PPP2R1A: variants seen among roughly 807,000 people sequenced by gnomAD.
The protein encoded by PPP2R1A is protein phosphatase 2 scaffold subunit Aalpha, also known as serine/threonine-protein phosphatase 2A 65 kDa regulatory subunit A alpha isoform.
In PPP2R1A, 15 loss-of-function variants were observed where a neutral mutation model predicts 67.1. The observed-to-expected ratio is 0.22, with a 90% CI of 0.15 to 0.34. The LOEUF (loss-of-function observed/expected upper bound fraction) is 0.34. Among genes scored for constraint, PPP2R1A ranks in the 10% least tolerant of loss-of-function variants. PPP2R1A has a pLI of 1.00. For synonymous variants in PPP2R1A, 337 were observed against 325.0 expected (o/e 1.04, Z -0.40); for missense variants, 369 against 775.0 (o/e 0.48, Z 6.22).
Position 52,212,861 on chromosome 19 carries a change from C to T in PPP2R1A, c.651+28C>T. ...GAGTTTTGCTTCCTGGCCCTCTGCT[C>T]TCCCGTCCTTCTGGTGGTTCCTGCC... On this transcript the variant is annotated intron_variant, in intron 5 of 14. Coordinates refer to ENST00000322088, the MANE Select transcript of PPP2R1A (RefSeq NM_014225.6). This position sits in a 1 kb window ranked among gnomAD's most constrained non-coding sequence, Gnocchi z 4.1. 6.3e-7 allele frequency: 1 copy of T among 1,579,544 alleles called. No individual in the cohort carries two copies. The highest frequency in any genetic ancestry group is 8.6e-7 in the Non-Finnish European group (1 of 1,161,110).
At position 52,213,512 on chromosome 19, in the gene PPP2R1A, A is replaced by G. The variant is rs2089697944; in HGVS notation, c.807+402A>G. 8.4e-6 allele frequency among the ~76,000 whole-genome samples: 1 copy of G among 119,320 alleles called. No individual in the cohort carries two copies. Among genetic ancestry groups the G allele is most frequent in the Non-Finnish European group, 1.6e-5 (1 of 62,332 alleles). 78.3% of individuals were successfully genotyped at this position (119,320 alleles called of 152,430 possible). On this transcript the variant is annotated intron_variant, in intron 6 of 14. Coordinates refer to ENST00000322088, the MANE Select transcript of PPP2R1A (RefSeq NM_014225.6). This position sits in a 1 kb window ranked among gnomAD's most constrained non-coding sequence, Gnocchi z 4.2. Reference sequence around the variant, plus strand: ...TAAGATGGAGTCTGTCGCCCAGGCTAGAGTCTTGTTACCCAGCTGGAGTGT... The same window carrying G: ...TAAGATGGAGTCTGTCGCCCAGGCTGGAGTCTTGTTACCCAGCTGGAGTGT...
chr19:52,191,262 C>T (rs1027994378), intron 1 of PPP2R1A: 4 of 152,386 alleles, frequency 2.6e-5, no homozygotes, highest in African/African-American at 4.8e-5. Context: ...CTCCCACCTG[C>T]TGTGTGACCT....
rs398035011 is a variant in PPP2R1A at position 52,213,457 on chromosome 19, G to GTTTTTT, written c.807+372_807+377dup. Among the ~76,000 whole-genome samples the GTTTTTT allele has an allele frequency of 3.6e-4, 26 of 71,760 alleles. 2 individuals carry two copies. The East Asian group carries it at 8.0e-3, about 22-fold the overall frequency. The allele number at this position is 71,760 out of a possible 152,430, so 47.1% of individuals were successfully genotyped here. ...GCCCAAAAAGGTGGGGTTTTTTGGT[G>GTTTTTT]TTTTTTTTTTTTTTTTTTTTTTTTT... On this transcript the variant is annotated intron_variant, in intron 6 of 14. Transcript: ENST00000322088. The surrounding 1 kb of genome is among the most constrained non-coding windows in gnomAD (Gnocchi z 4.2).
At position 52,213,549 on chromosome 19, in the gene PPP2R1A, C is replaced by T. The variant is rs977623257; in HGVS notation, c.807+439C>T. Among the ~76,000 whole-genome samples, 1 of 133,562 alleles carries T rather than the reference C, an allele frequency of 7.5e-6. No individual in the cohort carries two copies. Among genetic ancestry groups the T allele is most frequent in the Non-Finnish European group, 1.5e-5 (1 of 64,702 alleles). 87.6% of individuals were successfully genotyped at this position (133,562 alleles called of 152,430 possible). A position where few individuals can be genotyped will look rare whatever the true frequency, so the allele number is the denominator to read the frequency against. Reference sequence around the variant, plus strand: ...CCCAGCTGGAGTGTGGTGGCGCAATCTTGGCTCACTGCAGCCTGTCCCTCC... The same window carrying T: ...CCCAGCTGGAGTGTGGTGGCGCAATTTTGGCTCACTGCAGCCTGTCCCTCC... On this transcript the variant is annotated intron_variant, in intron 6 of 14. Coordinates refer to ENST00000322088, the MANE Select transcript of PPP2R1A (RefSeq NM_014225.6). This position sits in a 1 kb window ranked among gnomAD's most constrained non-coding sequence, Gnocchi z 4.2.
intron 6 of PPP2R1A, among the ~76,000 whole-genome samples, chr19:52,215,292 A>G (rs934955541): frequency 6.6e-6 from 1 of 152,080 alleles, no homozygotes; most frequent in African/African-American, 2.4e-5. Context: ...TCTGGGACTC[A>G]AGCGATCTGT....
At chr19:52,208,748 C>G (rs2089634561) in intron 3 of PPP2R1A, among the ~76,000 whole-genome samples, 1 of 152,200 alleles carries the variant, frequency 6.6e-6, no homozygotes, top group Admixed American at 6.5e-5. Context: ...GATCACCTGC[C>G]TTGGCCTCCC....
intron 1 of PPP2R1A, among the ~76,000 whole-genome samples, chr19:52,194,354 C>G (rs960524932): frequency 1.3e-5 from 2 of 152,028 alleles, no homozygotes; most frequent in African/African-American, 4.8e-5. Context: ...GAGAGAATGG[C>G]AAAGTGGTGG....
intron 1 of PPP2R1A, among the ~76,000 whole-genome samples, chr19:52,197,198 A>G (rs1202610382): frequency 6.6e-6 from 1 of 152,228 alleles, no homozygotes. Context: ...TCACTATAGT[A>G]TATCATAGGT....
At chr19:52,220,345 G>C in intron 11 of PPP2R1A, 96 bp downstream of exon 11, 1 of 1,334,824 alleles carries the variant, frequency 7.5e-7, no homozygotes, top group Non-Finnish European at 1.1e-6. Flanking sequence ...GGAGGCTAGA[G>C]TCACTCCCCA....
chr19:52,220,039 AAG>A (rs1284567575), intron 10 of PPP2R1A, 148 bp from the exon 11 acceptor site: 1 of 1,188,968 alleles, frequency 8.4e-7, no homozygotes, highest in South Asian at 1.4e-5. Context: ...TGGATTCAAT[AAG>A]AGAGAGGAGG....
chr19:52,190,648 G>T (rs921974212), intron 1 of PPP2R1A, among the ~76,000 whole-genome samples: 1 of 152,184 alleles, frequency 6.6e-6, no homozygotes, highest in African/African-American at 2.4e-5. Context: ...AGAGGCGAAG[G>T]CCTGCCATCC....
intron 14 of PPP2R1A, 56 bp downstream of exon 14, chr19:52,225,864 C>T (rs547629767): frequency 1.9e-6 from 3 of 1,612,294 alleles, no homozygotes; most frequent in Non-Finnish European, 1.7e-6. Context: ...AGGACAGGCA[C>T]TGGGCCTGTG....
chr19:52,227,930 T>C lies in PPP2R1A; in HGVS notation c.*1949T>C, dbSNP rs976105259. ...TGCATTCTCAGGAGCTTGTTAGAAA[T>C]GCAGAGCCTCTCGTCCCTGCCCCGA... On this transcript the variant is annotated 3_prime_UTR_variant, in exon 15 of 15. Coordinates refer to ENST00000322088, the MANE Select transcript of PPP2R1A (RefSeq NM_014225.6). The C allele has an allele frequency of 3.9e-5, 6 of 152,156 alleles. No individual in the cohort carries two copies. The highest frequency in any genetic ancestry group is 1.2e-4 in the African/African-American group (5 of 41,430). The allele number at this position is 152,156 out of a possible 1,614,324, so 9.4% of individuals were successfully genotyped here.
chr19:52,191,870 A>T (rs2089457509), intron 1 of PPP2R1A, among the ~76,000 whole-genome samples: 1 of 152,116 alleles, frequency 6.6e-6, no homozygotes, highest in Non-Finnish European at 1.5e-5. Flanking sequence ...AACAAATAGG[A>T]TGTAGTGGTA....
At chr19:52,220,911 C>T in intron 11 of PPP2R1A, 68 bp from the exon 12 acceptor site, 1 of 1,557,516 alleles carries the variant, frequency 6.4e-7, no homozygotes, top group Non-Finnish European at 8.8e-7. Context: ...GTGAGTGTGA[C>T]CTACATTTTG....
intron 13 of PPP2R1A, among the ~76,000 whole-genome samples, chr19:52,224,660 T>C (rs558628800): frequency 1.3e-5 from 2 of 152,342 alleles, no homozygotes; most frequent in African/African-American, 4.8e-5. Flanking sequence ...ATCATACTTC[T>C]GACCTTTAAG....
rs398035011 is a variant in PPP2R1A, at chr19:52,213,457, G to GT, written c.807+377dup. Among the ~76,000 whole-genome samples, 9,144 of 71,744 alleles carry GT rather than the reference G, an allele frequency of 0.13. 1,569 individuals are homozygous for GT. The highest frequency in any genetic ancestry group is 0.16 in the Non-Finnish European group (5,867 of 37,738). The allele number at this position is 71,744 out of a possible 152,430, so 47.1% of individuals were successfully genotyped here. A position where few individuals can be genotyped will look rare whatever the true frequency, so the allele number is the denominator to read the frequency against. ...GCCCAAAAAGGTGGGGTTTTTTGGT[G>GT]TTTTTTTTTTTTTTTTTTTTTTTTT... On this transcript the variant is annotated intron_variant, in intron 6 of 14. Transcript: ENST00000322088. The surrounding 1 kb of genome is among the most constrained non-coding windows in gnomAD (Gnocchi z 4.2).
chr19:52,223,480 T>C (rs1568599855), intron 13 of PPP2R1A, among the ~76,000 whole-genome samples: 1 of 152,188 alleles, frequency 6.6e-6, no homozygotes, highest in Non-Finnish European at 1.5e-5. Context: ...TGTTTTAATA[T>C]ATGTTTCTGA....
chr19:52,197,897 G>A (rs2089510735), intron 1 of PPP2R1A, among the ~76,000 whole-genome samples: 1 of 152,094 alleles, frequency 6.6e-6, no homozygotes, highest in Non-Finnish European at 1.5e-5. Context: ...TAAAGCCTGG[G>A]GCATAGTAGA....
Sources: allele counts gnomAD v4.1 joint callset (sites outside exome capture counted in the v4.1 genomes callset), GRCh38; gene constraint gnomAD v4.1.1; non-coding constraint Gnocchi (gnomAD v3.1); transcripts MANE v1.5; gene names NCBI Gene and HGNC (gene_info 2026-07-23, HGNC 2026-07-21).